ANXA8: variants seen among roughly 807,000 people sequenced by gnomAD.
ANXA8 encodes VAC-beta.
A neutral mutation model predicts 26.8 loss-of-function variants in ANXA8; 9 were observed. The observed-to-expected ratio is 0.34, with a 90% CI of 0.20 to 0.59. The LOEUF (loss-of-function observed/expected upper bound fraction) is 0.59. ANXA8 is among the 20% of genes least tolerant of loss of function. The pLI, the probability that ANXA8 is intolerant of heterozygous loss-of-function variation, is 0.84. For synonymous variants in ANXA8, 39 were observed against 94.8 expected, an observed-to-expected ratio of 0.41 and a Z score of 3.42; for missense variants, 83 against 238.5, an observed-to-expected ratio of 0.35 and a Z score of 4.29.
the ANXA8 span, chr10:47,565,104 C>T: frequency 1.3e-6 from 1 of 753,828 alleles, no homozygotes; most frequent in Non-Finnish European, 2.4e-6. Flanking sequence ...CAGCGCCCGT[C>T]CATCTCGCCC....
the ANXA8 span, among the ~76,000 whole-genome samples, chr10:47,894,295 C>A: frequency 2.1e-5 from 3 of 145,948 alleles, no homozygotes; most frequent in Non-Finnish European, 4.5e-5. Flanking sequence ...GGTGTCCTCA[C>A]CTGTCCTGAA....
the ANXA8 span, among the ~76,000 whole-genome samples, chr10:47,552,495 C>A: frequency 3.9e-5 from 6 of 152,000 alleles, no homozygotes; most frequent in African/African-American, 1.5e-4. Context: ...CGCAGTATTA[C>A]TTTTAGTACC....
chr10:47,946,164 C>T, the ANXA8 span, among the ~76,000 whole-genome samples: 17 of 148,510 alleles, frequency 1.1e-4, no homozygotes, highest in Non-Finnish European at 2.2e-4. Flanking sequence ...AAGCTTTACT[C>T]TCAATCTCAT....
chr10:47,647,315 T>C, the ANXA8 span, among the ~76,000 whole-genome samples: 1 of 151,774 alleles, frequency 6.6e-6, no homozygotes, highest in African/African-American at 2.4e-5. Context: ...TTATATAGTT[T>C]GTTTTCACAT....
At chr10:47,500,160 C>G in the ANXA8 span, among the ~76,000 whole-genome samples, 2 of 138,072 alleles carry the variant, frequency 1.4e-5, no homozygotes, top group Non-Finnish European at 3.1e-5. Context: ...CCCACCTCAG[C>G]CTCCGAAGTA....
chr10:47,663,801 A>G, the ANXA8 span, among the ~76,000 whole-genome samples: 15 of 148,536 alleles, frequency 1.0e-4, no homozygotes, highest in Admixed American at 1.3e-4. Context: ...TGCTAGATGA[A>G]ACTCATATCT....
the ANXA8 span, among the ~76,000 whole-genome samples, chr10:47,704,080 TG>T: frequency 1.4e-5 from 2 of 141,250 alleles, 1 homozygote; most frequent in East Asian, 5.6e-4. Flanking sequence ...GGTGGGATCT[TG>T]GATGAAATCC....
chr10:47,913,933 C>CT, the ANXA8 span, among the ~76,000 whole-genome samples: 4 of 32,568 alleles, frequency 1.2e-4, no homozygotes, highest in Non-Finnish European at 2.5e-4. Flanking sequence ...TTAGAATCTT[C>CT]TTTTTTTTTT....
chr10:47,726,817 C>A, the ANXA8 span: 8 of 1,176,044 alleles, frequency 6.8e-6, no homozygotes, highest in Non-Finnish European at 1.0e-5. Flanking sequence ...TTTTGAAGGT[C>A]GTGTGTTGTT....
chr10:47,951,800 GA>G, the ANXA8 span, among the ~76,000 whole-genome samples: 15 of 99,502 alleles, frequency 1.5e-4, no homozygotes, highest in African/African-American at 6.0e-4. Context: ...GACAGAGCAA[GA>G]CTCTGTCTCC....
At chr10:47,674,175 A>G in the ANXA8 span, among the ~76,000 whole-genome samples, 1 of 150,464 alleles carries the variant, frequency 6.6e-6, no homozygotes, top group East Asian at 1.9e-4. Flanking sequence ...TCTGTCACCC[A>G]GGCTGGAGTG....
the ANXA8 span, among the ~76,000 whole-genome samples, chr10:47,979,284 T>C: frequency 4.6e-5 from 7 of 151,752 alleles, no homozygotes; most frequent in East Asian, 1.9e-4. Flanking sequence ...CACAAGGATA[T>C]AGAAGATCTG....
chr10:47,940,250 G>T, the ANXA8 span, among the ~76,000 whole-genome samples: 5 of 146,854 alleles, frequency 3.4e-5, no homozygotes, highest in Non-Finnish European at 7.4e-5. Flanking sequence ...GGTGTAGGTT[G>T]TTATCTCCTG....
chr10:47,744,422 T>TGGGGGGGGGTGGGGGAAGGGGGGGG, the ANXA8 span, among the ~76,000 whole-genome samples: 2 of 11,734 alleles, frequency 1.7e-4, no homozygotes, highest in Admixed American at 1.4e-3. Flanking sequence ...GGGGGGGGGG[T>TGGGGGGGGGTGGGGGAAGGGGGGGG]TGGGGGGGAG....
the ANXA8 span, among the ~76,000 whole-genome samples, chr10:47,714,036 T>A: frequency 2.4e-5 from 1 of 41,686 alleles, no homozygotes; most frequent in African/African-American, 1.0e-4. Context: ...CAATGTAGAA[T>A]AATACATACA....
At chr10:47,634,750 ATC>A in the ANXA8 span, among the ~76,000 whole-genome samples, 3 of 140,940 alleles carry the variant, frequency 2.1e-5, 1 homozygote, top group Non-Finnish European at 4.7e-5. Context: ...TCATGAGCGT[ATC>A]TGTCAGAGAG....
At chr10:47,748,583 T>C in the ANXA8 span, among the ~76,000 whole-genome samples, 3 of 152,168 alleles carry the variant, frequency 2.0e-5, no homozygotes, top group Admixed American at 6.5e-5. Flanking sequence ...TAGAGGCAGG[T>C]AGGAGGGACA....
chr10:47,528,383 TAAA>T, the ANXA8 span, among the ~76,000 whole-genome samples: 712 of 105,934 alleles, frequency 6.7e-3, 1 homozygote, highest in African/African-American at 0.021. Flanking sequence ...CGGCTAGACT[TAAA>T]AAAAAAAAAA....
At chr10:47,671,992 G>A in the ANXA8 span, among the ~76,000 whole-genome samples, 1 of 151,486 alleles carries the variant, frequency 6.6e-6, no homozygotes, top group Non-Finnish European at 1.5e-5. Flanking sequence ...GAAATCCTTA[G>A]ATTTACTGTA....
Sources: allele counts gnomAD v4.1 joint callset (sites outside exome capture counted in the v4.1 genomes callset), GRCh38; gene constraint gnomAD v4.1.1; transcripts MANE v1.5; gene names NCBI Gene and HGNC (gene_info 2026-07-23, HGNC 2026-07-21).